The following PATJ variants were observed in gnomAD, a reference collection of about 807,000 sequenced individuals.
The protein encoded by PATJ is PATJ crumbs cell polarity complex component.
Under a neutral mutation model 224.9 loss-of-function variants are expected in PATJ, and 190 were observed. The observed-to-expected ratio is 0.84, with a 90% CI of 0.75 to 0.95. The LOEUF (loss-of-function observed/expected upper bound fraction) is 0.95. PATJ is among the 40% of genes least tolerant of loss of function. The pLI is 0.00. For synonymous variants in PATJ, 769 were observed against 820.3 expected (o/e 0.94, Z 1.07); for missense variants, 2,121 against 2,270.3 (o/e 0.93, Z 1.34).
At chr1:61,954,209 C>G (rs56304307) in intron 27 of PATJ, among the ~76,000 whole-genome samples, 1 of 152,274 alleles carries the variant, frequency 6.6e-6, no homozygotes, top group African/African-American at 2.4e-5. Flanking sequence ...TTTTAATACA[C>G]TTTGGTAGTC....
At chr1:61,936,869 C>T (rs781010962) in intron 27 of PATJ, among the ~76,000 whole-genome samples, 105 of 152,218 alleles carry the variant, frequency 6.9e-4, no homozygotes, top group Non-Finnish European at 1.2e-3. Context: ...TGAGACCCCA[C>T]GCCTGGCCGA....
chr1:62,087,406 T>C (rs1660149419), intron 33 of PATJ, among the ~76,000 whole-genome samples: 1 of 151,820 alleles, frequency 6.6e-6, no homozygotes, highest in African/African-American at 2.4e-5. Context: ...GTAGGTAGTT[T>C]TGGGAAAAGC....
intron 31 of PATJ, among the ~76,000 whole-genome samples, chr1:62,052,762 A>G (rs180801395): frequency 6.6e-6 from 1 of 152,254 alleles, no homozygotes; most frequent in East Asian, 1.9e-4. Context: ...AAAAAAGAAA[A>G]AAGAATAATG....
Position 62,097,377 on chromosome 1 carries a change from T to C in PATJ, c.4378-11060T>C, listed in dbSNP as rs558247403. Among the ~76,000 whole-genome samples the C allele has an allele frequency of 5.3e-5, 8 of 152,314 alleles. No homozygotes were observed. In the East Asian group the frequency reaches 1.3e-3, roughly 26 times the overall value. The stretch of plus-strand genomic sequence containing the variant: ...CTCTTTCCAGATTCCTTGAATCCAA[T>C]CTGACCAATAGTGACAAAAGTAGCA... On this transcript the variant is annotated intron_variant, in intron 33 of 43. Transcript: ENST00000642238.
intron 17 of PATJ, among the ~76,000 whole-genome samples, chr1:61,853,456 G>A (rs1663155433): frequency 6.6e-6 from 1 of 152,178 alleles, no homozygotes; most frequent in South Asian, 2.1e-4. Context: ...CTAAGGAAGT[G>A]TAGAAATTAT....
In PATJ at chr1:61,884,303, G is replaced by A. The variant is rs1668501863; in HGVS notation, c.3026G>A (p.Arg1009Lys). The change falls in exon 22 of 44, where the codon AGG becomes AAG. Residue 1009 changes from arginine to lysine, a missense_variant. Transcript: ENST00000642238. ...LIDLPVVAQR[R>K]EQEDLPLYQH... ...GACCTTCCTGTTGTGGCTCAAAGGAGGGAGCAAGAAGATTTGCCTTTATAT... is the reference window on the plus strand; with the variant it reads ...GACCTTCCTGTTGTGGCTCAAAGGAAGGAGCAAGAAGATTTGCCTTTATAT... The A allele has an allele frequency of 3.1e-6, 5 of 1,613,672 alleles. No homozygotes were observed. The highest frequency in any genetic ancestry group is 4.2e-6 in the Non-Finnish European group (5 of 1,179,846).
chr1:62,040,904 AGATT>A (rs367980425), intron 30 of PATJ, among the ~76,000 whole-genome samples: 46 of 152,328 alleles, frequency 3.0e-4, no homozygotes, highest in African/African-American at 1.1e-3. Context: ...AACAAAAGAT[AGATT>A]AACAAGAGCA....
intron 28 of PATJ, among the ~76,000 whole-genome samples, chr1:62,000,546 C>T (rs1199724018): frequency 6.6e-6 from 1 of 151,314 alleles, no homozygotes; most frequent in Admixed American, 6.6e-5. Flanking sequence ...TTTATGGCTG[C>T]ATAGTATTCC....
At chr1:61,885,695 A>C (rs11582159) in intron 22 of PATJ, among the ~76,000 whole-genome samples, 1 of 151,464 alleles carries the variant, frequency 6.6e-6, no homozygotes, top group South Asian at 2.1e-4. Flanking sequence ...CCAAAGGACT[A>C]TAAATCATGC....
chr1:62,012,635 A>G (rs1251834908), intron 28 of PATJ, among the ~76,000 whole-genome samples: 2 of 152,186 alleles, frequency 1.3e-5, no homozygotes, highest in Non-Finnish European at 2.9e-5. Context: ...TTTTCAGTGG[A>G]GCATATTTCC....
chr1:61,770,949 T>C (rs1013866725), intron 5 of PATJ, among the ~76,000 whole-genome samples: 5 of 150,328 alleles, frequency 3.3e-5, no homozygotes, highest in African/African-American at 1.2e-4. Context: ...AATTTGGAAG[T>C]AATCTCTATG....
At chr1:62,059,372 A>T (rs898476073) in intron 31 of PATJ, among the ~76,000 whole-genome samples, 6 of 152,200 alleles carry the variant, frequency 3.9e-5, no homozygotes, top group African/African-American at 1.4e-4. Context: ...CTGTAATCCC[A>T]GAATTTTGGG....
At chr1:61,843,466 G>A (rs1661431216) in intron 17 of PATJ, among the ~76,000 whole-genome samples, 1 of 152,204 alleles carries the variant, frequency 6.6e-6, no homozygotes, top group African/African-American at 2.4e-5. Context: ...TAGGCTGGGT[G>A]TGGTGGCTCA....
intron 6 of PATJ, 71 bp from the exon 7 acceptor site, chr1:61,775,135 G>A: frequency 7.0e-7 from 1 of 1,431,218 alleles, no homozygotes; most frequent in Non-Finnish European, 9.4e-7. Flanking sequence ...CTTTGGTAAT[G>A]ATTGTATTGG....
chr1:62,044,363 A>T (rs772834278), intron 30 of PATJ, among the ~76,000 whole-genome samples: 2 of 152,162 alleles, frequency 1.3e-5, no homozygotes, highest in African/African-American at 2.4e-5. Flanking sequence ...TCTGAATTTC[A>T]TTCTTTGGTT....
At chr1:62,004,445 T>G (rs1203543107) in intron 28 of PATJ, among the ~76,000 whole-genome samples, 1 of 152,240 alleles carries the variant, frequency 6.6e-6, no homozygotes, top group Non-Finnish European at 1.5e-5. Context: ...ATTGGAATTC[T>G]GATTTCATAG....
At chr1:62,065,758 A>G (rs1382415361) in intron 31 of PATJ, among the ~76,000 whole-genome samples, 1 of 152,204 alleles carries the variant, frequency 6.6e-6, no homozygotes, top group Admixed American at 6.5e-5. Context: ...AAATTGAGAA[A>G]GTGATCTCAC....
intron 22 of PATJ, among the ~76,000 whole-genome samples, 181 bp downstream of exon 22, chr1:61,884,589 A>G (rs1042082950): frequency 6.6e-6 from 1 of 151,750 alleles, no homozygotes; most frequent in African/African-American, 2.4e-5. Context: ...AAATTTTGCC[A>G]TATGTACAAT....
intron 17 of PATJ, among the ~76,000 whole-genome samples, chr1:61,845,919 G>T (rs1186866541): frequency 5.9e-5 from 9 of 152,162 alleles, no homozygotes; most frequent in Non-Finnish European, 2.9e-5. Context: ...GGAGGGCATA[G>T]ATTCAACCCT....
Sources: allele counts gnomAD v4.1 joint callset (sites outside exome capture counted in the v4.1 genomes callset), GRCh38; gene constraint gnomAD v4.1.1; transcripts MANE v1.5; gene names NCBI Gene and HGNC (gene_info 2026-07-23, HGNC 2026-07-21).